The following ILDR2 variants were observed in gnomAD, a reference collection of about 807,000 sequenced individuals.
The protein encoded by ILDR2 is immunoglobulin like domain containing receptor 2.
In ILDR2, 25 loss-of-function variants were observed where a neutral mutation model predicts 66.8. The ratio of observed to expected loss-of-function variants is 0.37; its 90% CI spans 0.27 to 0.52. ILDR2 has a LOEUF of 0.52. Among genes scored for constraint, ILDR2 ranks in the 20% least tolerant of loss-of-function variants. ILDR2 has a pLI of 0.88. For synonymous variants in ILDR2, 367 were observed against 357.2 expected (o/e 1.03, Z -0.31); for missense variants, 827 against 876.8 (o/e 0.94, Z 0.72).
intron 3 of ILDR2, among the ~76,000 whole-genome samples, chr1:166,953,658 A>G (rs990023392): frequency 6.6e-6 from 1 of 152,154 alleles, no homozygotes; most frequent in African/African-American, 2.4e-5. Flanking sequence ...ATGAACATCA[A>G]TCACCCTGCA....
At chr1:166,902,485 A>G (rs1394115435) in intron 2 of ILDR2, among the ~76,000 whole-genome samples, 2 of 152,220 alleles carry the variant, frequency 1.3e-5, no homozygotes, top group East Asian at 3.9e-4. Context: ...TAAGCCAATC[A>G]GAACATGACA....
At chr1:166,949,748 T>C (rs537006759) in intron 3 of ILDR2, among the ~76,000 whole-genome samples, 35 of 152,236 alleles carry the variant, frequency 2.3e-4, no homozygotes, top group Non-Finnish European at 1.0e-4. Context: ...CTAACTTTTC[T>C]GGCTCTTCCC....
chr1:166,898,456 G>T (rs2101811032), intron 2 of ILDR2, among the ~76,000 whole-genome samples: 1 of 152,190 alleles, frequency 6.6e-6, no homozygotes, highest in African/African-American at 2.4e-5. Context: ...GCCCAAAGTA[G>T]CTCCCAGAAC....
chr1:166,959,123 G>A (rs1662458373), intron 1 of ILDR2, among the ~76,000 whole-genome samples: 1 of 152,304 alleles, frequency 6.6e-6, no homozygotes, highest in East Asian at 1.9e-4. Context: ...TTTCTGGGAT[G>A]CTTTTTCCTC....
intron 3 of ILDR2, among the ~76,000 whole-genome samples, chr1:166,941,449 A>C (rs376354545): frequency 1.3e-5 from 2 of 152,330 alleles, no homozygotes; most frequent in East Asian, 3.9e-4. Context: ...AGCTTGAGAA[A>C]GTGATTAAGA....
chr1:166,973,159 C>G (rs1338201229), intron 1 of ILDR2, among the ~76,000 whole-genome samples: 1 of 152,198 alleles, frequency 6.6e-6, no homozygotes, highest in Non-Finnish European at 1.5e-5. Context: ...CATCTGACAG[C>G]TGAGCTGGTC....
chr1:166,973,882 C>A (rs942155157), intron 1 of ILDR2, among the ~76,000 whole-genome samples: 4 of 152,098 alleles, frequency 2.6e-5, no homozygotes, highest in African/African-American at 9.7e-5. Context: ...GCTGAGGATG[C>A]CTCCCCCAGC....
intron 7 of ILDR2, among the ~76,000 whole-genome samples, chr1:166,924,638 C>A (rs1382345906): frequency 2.0e-5 from 3 of 152,166 alleles, no homozygotes; most frequent in Non-Finnish European, 4.4e-5. Flanking sequence ...ATATTCAATT[C>A]TGCCACTGTA....
chr1:166,942,857 G>C (rs913135088), intron 3 of ILDR2, among the ~76,000 whole-genome samples: 1 of 152,220 alleles, frequency 6.6e-6, no homozygotes, highest in East Asian at 1.9e-4. Context: ...GAAGGAACTT[G>C]CATTTTTTTA....
chr1:166,967,274 G>A (rs1396562203), intron 1 of ILDR2, among the ~76,000 whole-genome samples: 2 of 152,120 alleles, frequency 1.3e-5, no homozygotes, highest in Admixed American at 6.5e-5. Flanking sequence ...TGTTGGAAAC[G>A]GTAGGCTTAT....
At chr1:166,895,850 A>C (rs1019556456) in exon 3 of ILDR2, 2 of 152,216 alleles carry the variant, frequency 1.3e-5, no homozygotes, top group Admixed American at 6.5e-5. Flanking sequence ...GGGAGGACAA[A>C]ATTGTATAAT....
Position 166,936,555 on chromosome 1 carries a change from C to T in ILDR2, c.703+36G>A, listed in dbSNP as rs1018750009. The T allele has an allele frequency of 6.2e-7, 1 of 1,613,498 alleles. No homozygotes were observed. Among genetic ancestry groups the T allele is most frequent in the African/African-American group, 1.3e-5 (1 of 74,866 alleles). On this transcript the variant is annotated intron_variant, in intron 5 of 9. Coordinates refer to ENST00000271417, the MANE Select transcript of ILDR2 (RefSeq NM_199351.3). This position sits in a 1 kb window ranked among gnomAD's most constrained non-coding sequence, Gnocchi z 5.0. ...CAGGTAGAGAGGTAGACATTTCTCTCGATCGCTCTGTCTCCCCAGCGGTCA... is the reference window on the plus strand; with the variant it reads ...CAGGTAGAGAGGTAGACATTTCTCTTGATCGCTCTGTCTCCCCAGCGGTCA...
At chr1:166,920,377 C>A (rs1448445912) in intron 9 of ILDR2, among the ~76,000 whole-genome samples, 1 of 152,236 alleles carries the variant, frequency 6.6e-6, no homozygotes, top group African/African-American at 2.4e-5. Flanking sequence ...GTGGTGATGG[C>A]TCCCGAGATC....
chr1:166,922,693 G>T lies in ILDR2; in HGVS notation c.1111C>A (p.Pro371Thr), dbSNP rs1329315460. The T allele has an allele frequency of 5.0e-6, 8 of 1,614,196 alleles. No individual in the cohort carries two copies. Among genetic ancestry groups the T allele is most frequent in the Non-Finnish European group, 6.8e-6 (8 of 1,180,040 alleles). Residue 371 changes from proline to threonine, a missense_variant, in exon 8 of 10, where the codon CCT becomes ACT. Transcript: ENST00000271417. The stretch of plus-strand genomic sequence containing the variant: ...CCCATGACACCTGACCAATAGTCAG[G>T]ATTGCTCTCCAAGTCCCCAGACACA... Reference protein sequence around the residue: ...FPVSGDLESNPDYWSGVMGGS... With the variant: ...FPVSGDLESNTDYWSGVMGGS...
chr1:166,911,093 T>C lies in ILDR2; in HGVS notation c.*8262A>G, dbSNP rs1659462292. 6.6e-6 allele frequency: 1 copy of C among 152,174 alleles called. No individual in the cohort carries two copies. Among genetic ancestry groups the C allele is most frequent in the African/African-American group, 2.4e-5 (1 of 41,430 alleles). The allele number at this position is 152,174 out of a possible 1,614,324, so 9.4% of individuals were successfully genotyped here. On this transcript the variant is annotated 3_prime_UTR_variant, in exon 10 of 10. Transcript: ENST00000271417. ...GCCTCTTGAATGAAATCTACATCCA[T>C]AATTTATTTGGCCACTCTTAACAAT...
chr1:166,935,185 G>T, intron 6 of ILDR2, 116 bp downstream of exon 6: 2 of 1,030,620 alleles, frequency 1.9e-6, no homozygotes, highest in African/African-American at 1.6e-5. Flanking sequence ...CCCATTTCTG[G>T]AACAGAGAAA....
chr1:166,898,318 G>T (rs907261662), intron 2 of ILDR2, among the ~76,000 whole-genome samples: 3 of 152,148 alleles, frequency 2.0e-5, no homozygotes, highest in African/African-American at 7.2e-5. Flanking sequence ...CTGCCTCAGG[G>T]TTCTCTAAAG....
rs151270470 is a variant in ILDR2 at position 166,921,299 on chromosome 1, G to A, written c.1292C>T (p.Ala431Val). 7 of 1,595,550 alleles carry A rather than the reference G, an allele frequency of 4.4e-6. No homozygotes were observed. Among genetic ancestry groups the A allele is most frequent in the East Asian group, 2.3e-5 (1 of 44,334 alleles). Residue 431 changes from alanine to valine, a missense_variant, in exon 9 of 10, where the codon GCG (alanine) becomes GTG (valine). Ala to Val is a moderately conservative substitution (Grantham distance 64). Transcript: ENST00000271417. The surrounding 1 kb of genome is among the most constrained non-coding windows in gnomAD (Gnocchi z 5.3). ...CTGGCCGTAGGAGTCAGCGAAGGCC[G>A]CCAGCTCGTCCATGGAAACGGCCGG... ...GVPAVSMDEL[A>V]AFADSYGQRP... is the part of the protein sequence containing the mutation.
In ILDR2 at chr1:166,930,071, A is replaced by G. The variant is rs571949099; in HGVS notation, c.881-2891T>C. On this transcript the variant is annotated intron_variant, in intron 6 of 9. Coordinates refer to ENST00000271417, the MANE Select transcript of ILDR2 (RefSeq NM_199351.3). Reference sequence around the variant, plus strand: ...GCCCATAAAGTTGTTGCTATATGGAACAATGTACCAGCTGTGCCCTGGCAG... The same window carrying G: ...GCCCATAAAGTTGTTGCTATATGGAGCAATGTACCAGCTGTGCCCTGGCAG... 1.2e-4 allele frequency among the ~76,000 whole-genome samples: 19 copies of G among 152,310 alleles called. No individual in the cohort carries two copies. In the South Asian group the frequency reaches 3.7e-3, roughly 30 times the overall value.
Sources: gnomAD v4.1 joint callset for allele counts (sites outside exome capture counted in the v4.1 genomes callset) on GRCh38, gnomAD v4.1.1 for gene constraint, Gnocchi (gnomAD v3.1) non-coding constraint, MANE v1.5 for transcripts, NCBI Gene and HGNC (gene_info 2026-07-23, HGNC 2026-07-21) for gene names.